The following ABR variants were observed in gnomAD, a reference collection of about 807,000 sequenced individuals.
The protein encoded by ABR is ABR activator of RhoGEF and GTPase.
A neutral mutation model predicts 107.2 loss-of-function variants in ABR; 35 were observed. The observed-to-expected ratio is 0.33, with a 90% CI of 0.25 to 0.43. The LOEUF (loss-of-function observed/expected upper bound fraction) is 0.43, where lower values mean the gene tolerates loss of function less well. ABR is among the 20% of genes least tolerant of loss of function. The pLI is 1.00. For synonymous variants in ABR, 498 were observed against 462.0 expected (o/e 1.08, Z -1.00); for missense variants, 815 against 1,115.2 (o/e 0.73, Z 3.83).
intron 1 of ABR, among the ~76,000 whole-genome samples, chr17:1,144,373 G>A (rs1016864911): frequency 6.6e-5 from 10 of 151,872 alleles, no homozygotes; most frequent in Non-Finnish European, 1.5e-4. Flanking sequence ...GTCGCCCATG[G>A]AAAGGCAACG....
At chr17:1,108,819 G>A (rs2038442998) in intron 2 of ABR, 2 of 781,314 alleles carry the variant, frequency 2.6e-6, no homozygotes, top group Non-Finnish European at 3.5e-6. Context: ...GGGACCCTCC[G>A]CCGAGGGCTT....
At position 1,079,182 on chromosome 17, in the gene ABR, C is replaced by G. The variant is rs931349494; in HGVS notation, c.700+148G>C. On this transcript the variant is annotated intron_variant, in intron 6 of 22. Coordinates refer to ENST00000302538, the MANE Select transcript of ABR (RefSeq NM_021962.5). ...CGTGCGCGCACACGCGCACTCAGCT[C>G]ACACTCACACGCGCTCACACACGCT... The G allele has an allele frequency of 1.1e-5, 16 of 1,473,078 alleles. No individual in the cohort carries two copies. The African/African-American group carries it at 2.1e-4, about 19-fold the overall frequency. The allele number at this position is 1,473,078 out of a possible 1,614,324, so 91.3% of individuals were successfully genotyped here.
intron 16 of ABR, among the ~76,000 whole-genome samples, chr17:1,032,145 AGGGGCCAAGCGGAGGGGCCG>A (rs1202757058): frequency 6.6e-6 from 1 of 151,868 alleles, no homozygotes; most frequent in Admixed American, 6.6e-5. Flanking sequence ...GGGCTGCTCC[AGGGGCCAAGCGGAGGGGCCG>A]GGGGCCAGGC....
At chr17:1,096,718 G>C (rs556015599) in intron 3 of ABR, among the ~76,000 whole-genome samples, 10 of 146,376 alleles carry the variant, frequency 6.8e-5, no homozygotes, top group African/African-American at 2.3e-4. Flanking sequence ...AGCTGGGGAA[G>C]GGGGGGAACC....
chr17:1,024,024 C>CAAAAAAAAAAA (rs11334940), intron 16 of ABR, among the ~76,000 whole-genome samples: 7 of 47,676 alleles, frequency 1.5e-4, no homozygotes, highest in Admixed American at 2.7e-4. Context: ...GACTCCATCT[C>CAAAAAAAAAAA]AAAAAAAAAA....
At position 1,148,495 on chromosome 17, in the gene ABR, G is replaced by A. The variant is rs932978669; in HGVS notation, c.62-23128C>T. The stretch of plus-strand genomic sequence containing the variant: ...TCCCCAGCCCCCCCGGGCATGGACC[G>A]GCACCAGTCCGTGGCCTGTTGGGAA... On this transcript the variant is annotated intron_variant, in intron 1 of 22. Transcript: ENST00000302538. This position sits in a 1 kb window ranked among gnomAD's most constrained non-coding sequence, Gnocchi z 4.9. Among the ~76,000 whole-genome samples, 12 of 152,190 alleles carry A rather than the reference G, an allele frequency of 7.9e-5. No homozygotes were observed. The highest frequency in any genetic ancestry group is 1.0e-4 in the Non-Finnish European group (7 of 68,036).
At chr17:1,015,478 C>CA (rs1211359740) in intron 16 of ABR, among the ~76,000 whole-genome samples, 2 of 150,348 alleles carry the variant, frequency 1.3e-5, no homozygotes, top group African/African-American at 4.9e-5. Flanking sequence ...TTTTTTGAGA[C>CA]AGAGTTTCGC....
chr17:1,058,007 T>C lies in ABR; in HGVS notation c.1344A>G (p.Ser448=), dbSNP rs767739982. Residue 448 remains serine (S), a synonymous_variant, in exon 12 of 23, where the codon TCA becomes TCG. Transcript: ENST00000302538. ...GTTTCTGAATTGCTTCTCTCCACTC[T>C]GACCTCTCGTAGTCCGAGGACAGTA... ...LFLLSSDYER[S]EWREAIQKLQ... The C allele has an allele frequency of 6.2e-7, 1 of 1,614,054 alleles. No individual in the cohort carries two copies. The highest frequency in any genetic ancestry group is 1.1e-5 in the South Asian group (1 of 91,084).
chr17:1,041,589 T>C lies in ABR; in HGVS notation c.1791+8461A>G, dbSNP rs146733837. Among the ~76,000 whole-genome samples the C allele has an allele frequency of 8.9e-3, 1,355 of 152,182 alleles. 9 individuals carry two copies. The highest frequency in any genetic ancestry group is 0.014 in the Non-Finnish European group (928 of 68,000). Reference sequence around the variant, plus strand: ...CTCTACTAAAAATACGAAAATTAGCTGGGCATGGTGGCGGGCGCCTTTAAT... The same window carrying C: ...CTCTACTAAAAATACGAAAATTAGCCGGGCATGGTGGCGGGCGCCTTTAAT... On this transcript the variant is annotated intron_variant, in intron 16 of 22. Coordinates refer to ENST00000302538, the MANE Select transcript of ABR (RefSeq NM_021962.5).
rs545068904 is a variant in ABR at position 1,091,972 on chromosome 17, A to C, written c.346-122T>G. 5 of 1,054,928 alleles carry C rather than the reference A, an allele frequency of 4.7e-6. No homozygotes were observed. In the African/African-American group the frequency reaches 6.4e-5, roughly 13 times the overall value. 65.3% of individuals were successfully genotyped at this position (1,054,928 alleles called of 1,614,324 possible). A position where few individuals can be genotyped will look rare whatever the true frequency, so the allele number is the denominator to read the frequency against. ...AAGTCCTGCCCAGACAAGGCTGCCAAAGGCAGGGCACTGAAACGAGCTTTG... is the reference window on the plus strand; with the variant it reads ...AAGTCCTGCCCAGACAAGGCTGCCACAGGCAGGGCACTGAAACGAGCTTTG... On this transcript the variant is annotated intron_variant, in intron 3 of 22. Coordinates refer to ENST00000302538, the MANE Select transcript of ABR (RefSeq NM_021962.5).
chr17:1,030,147 C>A (rs1456311702), intron 16 of ABR, among the ~76,000 whole-genome samples: 1 of 152,222 alleles, frequency 6.6e-6, no homozygotes, highest in Non-Finnish European at 1.5e-5. Context: ...GAGGCAAACC[C>A]AGCTAAGGAA....
Position 1,032,392 on chromosome 17 carries a change from G to A in ABR, c.1791+17658C>T, listed in dbSNP as rs150404360. On this transcript the variant is annotated intron_variant, in intron 16 of 22. Coordinates refer to ENST00000302538, the MANE Select transcript of ABR (RefSeq NM_021962.5). The stretch of plus-strand genomic sequence containing the variant: ...AGACCCCTAGTGTGGGAATCCCAGT[G>A]GGAATCGGGTCACTGATCTGCTCAG... Among the ~76,000 whole-genome samples the A allele has an allele frequency of 1.9e-3, 294 of 152,312 alleles. 2 individuals carry two copies. Among genetic ancestry groups the A allele is most frequent in the African/African-American group, 6.8e-3 (282 of 41,570 alleles).
intron 16 of ABR, among the ~76,000 whole-genome samples, chr17:1,022,065 C>T (rs577399488): frequency 6.9e-6 from 1 of 145,616 alleles, no homozygotes; most frequent in Non-Finnish European, 1.5e-5. Flanking sequence ...CAAGATAGCA[C>T]CACTGCACTC....
upstream of ABR, among the ~76,000 whole-genome samples, chr17:1,191,907 G>A (rs183906849): frequency 2.9e-3 from 442 of 152,306 alleles, 3 homozygotes; most frequent in African/African-American, 1.0e-2. Context: ...CAACAGGAGG[G>A]AAAGAGCGCT....
rs538843374 is a variant in ABR, at chr17:1,119,691, C to T, written c.246+5492G>A. ...GGATTAAGGTCCTGATCTCACAGGG[C>T]GGATGCACCCCACAAGTGACCGTGC... On this transcript the variant is annotated intron_variant, in intron 2 of 22. Transcript: ENST00000302538. 1.7e-3 allele frequency among the ~76,000 whole-genome samples: 265 copies of T among 152,288 alleles called. 3 individuals carry two copies. The highest frequency in any genetic ancestry group is 1.8e-3 in the Non-Finnish European group (124 of 68,032).
At chr17:1,076,244 T>G (rs901580538) in intron 6 of ABR, among the ~76,000 whole-genome samples, 6 of 152,178 alleles carry the variant, frequency 3.9e-5, no homozygotes, top group Non-Finnish European at 7.3e-5. Context: ...TCTGTAGCCC[T>G]TTCTTATCTA....
At chr17:1,223,798 C>G (rs2043164913) in intron 1 of ABR, among the ~76,000 whole-genome samples, 1 of 152,150 alleles carries the variant, frequency 6.6e-6, no homozygotes, top group Non-Finnish European at 1.5e-5. Flanking sequence ...GGGGAAACTT[C>G]CAAACGCTTT....
chr17:1,126,803 C>T (rs2151457769), intron 1 of ABR, among the ~76,000 whole-genome samples: 1 of 152,332 alleles, frequency 6.6e-6, no homozygotes, highest in Admixed American at 6.5e-5. Context: ...AGGAGGTGAG[C>T]ATCTGAGTCA....
intron 2 of ABR, among the ~76,000 whole-genome samples, chr17:1,106,798 G>A (rs1431869469): frequency 6.6e-6 from 1 of 152,162 alleles, no homozygotes; most frequent in African/African-American, 2.4e-5. Flanking sequence ...CCAAAGTGCT[G>A]GGAATACAGG....
Sources: gnomAD v4.1 joint callset for allele counts (sites outside exome capture counted in the v4.1 genomes callset) on GRCh38, gnomAD v4.1.1 for gene constraint, Gnocchi (gnomAD v3.1) non-coding constraint, MANE v1.5 for transcripts, NCBI Gene and HGNC (gene_info 2026-07-23, HGNC 2026-07-21) for gene names.